The following GAL3ST2 variants were observed in gnomAD, a reference collection of about 807,000 sequenced individuals.
GAL3ST2 encodes galactose-3-O-sulfotransferase 2.
GAL3ST2 carries 16 observed loss-of-function variants against 12.9 expected under a neutral mutation model. That is an observed-to-expected ratio of 1.24 (90% CI 0.84 to 1.88). The LOEUF (loss-of-function observed/expected upper bound fraction) is 1.88. Among genes scored for constraint, GAL3ST2 ranks in the 40% most tolerant of loss-of-function variants. The probability of loss-of-function intolerance (pLI) is 0.00; values close to 1 mark genes in which losing one functional copy is unlikely to be tolerated. For missense variants in GAL3ST2, 639 were observed against 571.8 expected (o/e 1.12, Z -1.20); for synonymous variants, 302 against 273.9 (o/e 1.10, Z -1.01).
chr2:241,803,997 A>G lies in GAL3ST2; in HGVS notation c.1028A>G (p.Gln343Arg). ...AGAGACCCGCGCCTGCGCCCCTACC[A>G]GTCCGGCAAGGCCGACATCCTGGGT... ...QIRDPRLRPYQSGKADILGYN... is the reference protein window; with the variant it reads ...QIRDPRLRPYRSGKADILGYN... The change falls in exon 4 of 4, where the codon CAG becomes CGG. Residue 343 changes from glutamine (Q) to arginine (R), a missense_variant. Coordinates refer to ENST00000192314, the MANE Select transcript of GAL3ST2 (RefSeq NM_022134.3). 1 of 1,563,028 alleles carries G rather than the reference A, an allele frequency of 6.4e-7. No individual in the cohort carries two copies. The highest frequency in any genetic ancestry group is 2.5e-5 in the East Asian group (1 of 39,782).
chr2:241,795,556 G>A lies in GAL3ST2; in HGVS notation c.30-3509G>A, dbSNP rs527407444. 6.6e-6 allele frequency among the ~76,000 whole-genome samples: 1 copy of A among 152,326 alleles called. No homozygotes were observed. The highest frequency in any genetic ancestry group is 2.1e-4 in the South Asian group (1 of 4,832). Reference sequence around the variant, plus strand: ...AGGGTGGTGGCTGAGAAACCCTGCTGGTGAAGTCCTGCGTGGGCCTTATCA... The same window carrying A: ...AGGGTGGTGGCTGAGAAACCCTGCTAGTGAAGTCCTGCGTGGGCCTTATCA... On this transcript the variant is annotated intron_variant, in intron 1 of 3. Coordinates refer to ENST00000192314, the MANE Select transcript of GAL3ST2 (RefSeq NM_022134.3). This position sits in a 1 kb window ranked among gnomAD's most constrained non-coding sequence, Gnocchi z 4.5.
intron 1 of GAL3ST2, among the ~76,000 whole-genome samples, chr2:241,787,540 C>CGCCTT (rs1553615867): frequency 7.3e-6 from 1 of 136,274 alleles, no homozygotes; most frequent in African/African-American, 2.8e-5. Context: ...ACTTCTCCTC[C>CGCCTT]TTTTTTTTTT....
intron 1 of GAL3ST2, among the ~76,000 whole-genome samples, chr2:241,789,686 A>G (rs2125192521): frequency 6.6e-6 from 1 of 152,304 alleles, no homozygotes; most frequent in Admixed American, 6.5e-5. Context: ...GTTCAAGACC[A>G]GCCTGGCCAA....
chr2:241,790,247 C>T (rs1699679044), intron 1 of GAL3ST2, among the ~76,000 whole-genome samples: 1 of 152,110 alleles, frequency 6.6e-6, no homozygotes, highest in Non-Finnish European at 1.5e-5. Flanking sequence ...GAGAAAGAAA[C>T]TTTCCAGACT....
rs980750949 is a variant in GAL3ST2 at position 241,800,170 on chromosome 2, A to C, written c.119+1016A>C. ...CCTGAGGCTGGGGCTGAGGGTCTCT[A>C]GGTTGGGGTGCAGTGATGGGTCTGG... On this transcript the variant is annotated intron_variant, in intron 2 of 3. Transcript: ENST00000192314. The surrounding 1 kb of genome is among the most constrained non-coding windows in gnomAD (Gnocchi z 5.2). Among the ~76,000 whole-genome samples the C allele has an allele frequency of 1.2e-4, 18 of 152,036 alleles. No individual in the cohort carries two copies. Among genetic ancestry groups the C allele is most frequent in the African/African-American group, 4.3e-4 (18 of 41,472 alleles).
intron 1 of GAL3ST2, among the ~76,000 whole-genome samples, chr2:241,792,625 G>C (rs1699706771): frequency 6.6e-6 from 1 of 151,950 alleles, no homozygotes; most frequent in African/African-American, 2.4e-5. Flanking sequence ...TAATAACTTA[G>C]GACCTGCCCA....
At chr2:241,782,278 C>T (rs756107857) in intron 1 of GAL3ST2, among the ~76,000 whole-genome samples, 83 of 152,046 alleles carry the variant, frequency 5.5e-4, no homozygotes, top group Non-Finnish European at 9.9e-4. Context: ...GTGATTGTCC[C>T]TGGGCCTTGT....
intron 1 of GAL3ST2, among the ~76,000 whole-genome samples, chr2:241,780,735 AAAGC>A (rs1197243697): frequency 6.6e-6 from 1 of 152,224 alleles, no homozygotes; most frequent in African/African-American, 2.4e-5. Context: ...AGACTTTTTT[AAAGC>A]TGAGCCCAGC....
Position 241,785,409 on chromosome 2 carries a change from C to T in GAL3ST2, c.29+8425C>T, listed in dbSNP as rs568648400. On this transcript the variant is annotated intron_variant, in intron 1 of 3. Coordinates refer to ENST00000192314, the MANE Select transcript of GAL3ST2 (RefSeq NM_022134.3). ...TCTACTAAAACTACAAAAAATTAGC[C>T]AGGCGTGGTGGTGGGCACCTGTAAT... 2.0e-5 allele frequency among the ~76,000 whole-genome samples: 3 copies of T among 152,102 alleles called. No homozygotes were observed. The East Asian group carries it at 5.8e-4, about 29-fold the overall frequency.
In GAL3ST2 at chr2:241,803,459, G is replaced by A. The variant is rs1699883679; in HGVS notation, c.490G>A (p.Ala164Thr). 6.2e-7 allele frequency: 1 copy of A among 1,611,672 alleles called. No individual in the cohort carries two copies. Among genetic ancestry groups the A allele is most frequent in the Non-Finnish European group, 8.5e-7 (1 of 1,179,366 alleles). ...YKTYAPAFRGAPSLDAFLASP... is the reference protein window; with the variant it reads ...YKTYAPAFRGTPSLDAFLASP... ...AACCTACGCCCCCGCCTTCCGGGGC[G>A]CCCCGAGCCTGGACGCGTTCCTGGC... Residue 164 changes from alanine to threonine, a missense_variant, in exon 4 of 4, where the codon GCC becomes ACC. Ala to Thr is a moderately conservative substitution (Grantham distance 58). Transcript: ENST00000192314.
chr2:241,777,926 G>A (rs1699513545), intron 1 of GAL3ST2, among the ~76,000 whole-genome samples: 1 of 152,206 alleles, frequency 6.6e-6, no homozygotes, highest in East Asian at 1.9e-4. Flanking sequence ...CCCCAGCTGA[G>A]ACTCTGTGGG....
rs562410720 is a variant in GAL3ST2, at chr2:241,793,988, C to G, written c.30-5077C>G. Among the ~76,000 whole-genome samples the G allele has an allele frequency of 2.0e-5, 3 of 152,208 alleles. No individual in the cohort carries two copies. Among genetic ancestry groups the G allele is most frequent in the African/African-American group, 7.2e-5 (3 of 41,494 alleles). ...TTGAGACAGAGACTGGCTCTGTGACCCGGGCTAGAGTGTGGTGGTGAGATC... is the reference window on the plus strand; with the variant it reads ...TTGAGACAGAGACTGGCTCTGTGACGCGGGCTAGAGTGTGGTGGTGAGATC... On this transcript the variant is annotated intron_variant, in intron 1 of 3. Transcript: ENST00000192314. The surrounding 1 kb of genome is among the most constrained non-coding windows in gnomAD (Gnocchi z 4.7).
At chr2:241,799,012 G>T in intron 1 of GAL3ST2, 53 bp from the exon 2 acceptor site, 1 of 1,419,136 alleles carries the variant, frequency 7.0e-7, no homozygotes. Flanking sequence ...TGGGAGGTGG[G>T]GGTGGGGCTG....
chr2:241,787,465 AC>A (rs1439550036), intron 1 of GAL3ST2, among the ~76,000 whole-genome samples: 1 of 149,930 alleles, frequency 6.7e-6, no homozygotes, highest in Non-Finnish European at 1.5e-5. Context: ...GTCCGGGAGC[AC>A]CCCCTCCAGA....
intron 1 of GAL3ST2, among the ~76,000 whole-genome samples, chr2:241,796,045 G>A (rs1260941363): frequency 1.3e-5 from 2 of 152,244 alleles, no homozygotes; most frequent in African/African-American, 2.4e-5. Context: ...TGTGCCGTGA[G>A]GATGAAGTGT....
At chr2:241,796,133 C>T (rs889688948) in intron 1 of GAL3ST2, among the ~76,000 whole-genome samples, 11 of 152,166 alleles carry the variant, frequency 7.2e-5, no homozygotes, top group African/African-American at 2.7e-4. Context: ...AGAAAGGAGA[C>T]AAGATGTCAT....
In GAL3ST2 at chr2:241,800,745, A is replaced by T. The variant is rs1333793923; in HGVS notation, c.120-1036A>T. ...GCGAGGCAGCGTCTGGCAGCGGGTG[A>T]GCTGCACCTGCTTTAACGTTGTTCG... On this transcript the variant is annotated intron_variant, in intron 2 of 3. Coordinates refer to ENST00000192314, the MANE Select transcript of GAL3ST2 (RefSeq NM_022134.3). This position sits in a 1 kb window ranked among gnomAD's most constrained non-coding sequence, Gnocchi z 5.2. Among the ~76,000 whole-genome samples, 1 of 152,134 alleles carries T rather than the reference A, an allele frequency of 6.6e-6. No individual in the cohort carries two copies. Among genetic ancestry groups the T allele is most frequent in the Non-Finnish European group, 1.5e-5 (1 of 68,032 alleles).
chr2:241,803,940 A>T lies in GAL3ST2; in HGVS notation c.971A>T (p.Asp324Val), dbSNP rs1469404689. The change falls in exon 4 of 4, where the codon GAC becomes GTC. Residue 324 changes from aspartate to valine, a missense_variant. Transcript: ENST00000192314. ...GAACTCGCGAGCCTGTGCCTGCAGG[A>T]CGGCGGCGCGCTCAAGAACCACACG... ...RRELASLCLQ[D>V]GGALKNHTQI... The T allele has an allele frequency of 6.8e-7, 1 of 1,461,378 alleles. No individual in the cohort carries two copies. Among genetic ancestry groups the T allele is most frequent in the Non-Finnish European group, 9.0e-7 (1 of 1,109,588 alleles). 90.5% of individuals were successfully genotyped at this position (1,461,378 alleles called of 1,614,324 possible).
chr2:241,776,963 C>CCT lies in GAL3ST2; in HGVS notation c.9_10insTC (p.Met4SerfsTer20), dbSNP rs1699495893. On this transcript the variant is annotated frameshift_variant, in exon 1 of 4. Coordinates refer to ENST00000192314, the MANE Select transcript of GAL3ST2 (RefSeq NM_022134.3). LOFTEE classifies it high-confidence loss of function. ...TGGAGGCCAGAGGCCAAGATGATGTCCATGCTGGGCGGCTTGCAGAGGTAA... is the reference window on the plus strand; with the variant it reads ...TGGAGGCCAGAGGCCAAGATGATGTCCTCATGCTGGGCGGCTTGCAGAGGTAA... 6.4e-7 allele frequency: 1 copy of CCT among 1,553,664 alleles called. No individual in the cohort carries two copies. The highest frequency in any genetic ancestry group is 1.4e-5 in the African/African-American group (1 of 72,214).
Sources: gnomAD v4.1 joint callset for allele counts (sites outside exome capture counted in the v4.1 genomes callset) on GRCh38, gnomAD v4.1.1 for gene constraint, Gnocchi (gnomAD v3.1) non-coding constraint, MANE v1.5 for transcripts, NCBI Gene and HGNC (gene_info 2026-07-23, HGNC 2026-07-21) for gene names.